CCDC194: variants seen among roughly 807,000 people sequenced by gnomAD.
The protein encoded by CCDC194 is coiled-coil domain-containing protein 194.
Under a neutral mutation model 4.9 loss-of-function variants are expected in CCDC194, and 8 were observed. The ratio of observed to expected loss-of-function variants is 1.65; its 90% CI spans 0.97 to 2.97. The LOEUF (loss-of-function observed/expected upper bound fraction) is 2.97, where lower values mean the gene tolerates loss of function less well. Ranked by LOEUF, CCDC194 falls within the 30% of genes most tolerant of loss-of-function variation. The probability of loss-of-function intolerance (pLI) is 0.00; values close to 1 mark genes in which losing one functional copy is unlikely to be tolerated. For synonymous variants in CCDC194, 13 were observed against 17.0 expected, an observed-to-expected ratio of 0.76 and a Z score of 0.58; for missense variants, 52 against 43.1, an observed-to-expected ratio of 1.21 and a Z score of -0.58.
At chr19:17,392,199 G>T (rs925346307) in intron 1 of CCDC194, 1 of 181,138 alleles carries the variant, frequency 5.5e-6, no homozygotes, top group Non-Finnish European at 1.1e-5. Flanking sequence ...TTAGCCGGGC[G>T]TCGTGGCTCA....
chr19:17,393,968 G>A (rs961249653), exon 1 of CCDC194: 8 of 394,704 alleles, frequency 2.0e-5, no homozygotes, highest in African/African-American at 1.4e-4. Context: ...GTCGACCCCA[G>A]GCGGCGGGTC....
At chr19:17,391,381 C>A in intron 2 of CCDC194, 38 bp from the exon 3 acceptor site, 1 of 500,118 alleles carries the variant, frequency 2.0e-6, no homozygotes, top group South Asian at 2.9e-5. Context: ...TGGAGACTCC[C>A]GCGCCCACCC....
chr19:17,391,812 A>G, exon 2 of CCDC194: 14 of 1,535,036 alleles, frequency 9.1e-6, no homozygotes, highest in Non-Finnish European at 1.2e-5. Context: ...GTCCATCTCA[A>G]TCTTCAGTGT....
chr19:17,393,896 T>G (rs894094698), exon 1 of CCDC194: 1 of 397,478 alleles, frequency 2.5e-6, no homozygotes, highest in African/African-American at 2.1e-5. Context: ...TTCCGCCTGG[T>G]CCAGCTGCCT....
chr19:17,387,197 A>G (rs1438368966), downstream of CCDC194, among the ~76,000 whole-genome samples: 2 of 152,150 alleles, frequency 1.3e-5, no homozygotes, highest in African/African-American at 2.4e-5. Flanking sequence ...CTCAGCCCAG[A>G]CATTTTTAAA....
intron 1 of CCDC194, among the ~76,000 whole-genome samples, chr19:17,392,830 C>T (rs1226991141): frequency 1.3e-5 from 2 of 152,116 alleles, no homozygotes; most frequent in Non-Finnish European, 2.9e-5. Flanking sequence ...TACAAGCATG[C>T]GCCATCACAC....
chr19:17,391,573 CTTGT>C, intron 2 of CCDC194, 173 bp downstream of exon 2: 1 of 1,447,050 alleles, frequency 6.9e-7, no homozygotes, highest in Non-Finnish European at 9.2e-7. Context: ...TGGCATTTGC[CTTGT>C]TTTTGTGACA....
intron 2 of CCDC194, 165 bp from the exon 3 acceptor site, chr19:17,391,508 T>C (rs2074654698): frequency 2.3e-6 from 2 of 875,506 alleles, no homozygotes; most frequent in Non-Finnish European, 3.4e-6. Context: ...TTGCATAGCT[T>C]TTCATAGGTT....
exon 1 of CCDC194, chr19:17,394,140 C>G: frequency 2.5e-6 from 1 of 392,464 alleles, no homozygotes; most frequent in Non-Finnish European, 4.5e-6. Flanking sequence ...CGCCCGGGCT[C>G]CGGCCCCGGC....
Position 17,390,901 on chromosome 19 carries a change from C to T in CCDC194, c.555-242G>A, listed in dbSNP as rs1189884469. The stretch of plus-strand genomic sequence containing the variant: ...CTGTCCCCCTACCACCAGCCTCTCC[C>T]TCGATACTCCCTTTTCCTTGCTCCC... On this transcript the variant is annotated intron_variant, in intron 3 of 3. Coordinates refer to ENST00000636079, the Ensembl canonical transcript of CCDC194. This position sits in a 1 kb window ranked among gnomAD's most constrained non-coding sequence, Gnocchi z 5.5. 6.6e-6 allele frequency among the ~76,000 whole-genome samples: 1 copy of T among 152,054 alleles called. No individual in the cohort carries two copies. The highest frequency in any genetic ancestry group is 1.9e-4 in the East Asian group (1 of 5,164).
chr19:17,392,522 G>A (rs778341085), intron 1 of CCDC194, among the ~76,000 whole-genome samples: 1 of 152,150 alleles, frequency 6.6e-6, no homozygotes, highest in Middle Eastern at 3.2e-3. Flanking sequence ...GCAATTTGAT[G>A]GTTGACAATG....
chr19:17,387,501 C>T (rs1191147776), downstream of CCDC194, among the ~76,000 whole-genome samples: 1 of 151,978 alleles, frequency 6.6e-6, no homozygotes, highest in Non-Finnish European at 1.5e-5. Context: ...GTGGATCACC[C>T]GAGGTTAGCA....
downstream of CCDC194, among the ~76,000 whole-genome samples, chr19:17,388,179 G>A (rs912025020): frequency 7.0e-6 from 1 of 142,840 alleles, no homozygotes; most frequent in East Asian, 2.1e-4. Flanking sequence ...AGCCACCCCC[G>A]GGCTCTTTTT....
downstream of CCDC194, among the ~76,000 whole-genome samples, chr19:17,387,243 CAT>C (rs1434047255): frequency 1.2e-4 from 18 of 152,160 alleles, no homozygotes; most frequent in Admixed American, 3.9e-4. Flanking sequence ...ATAAGTGACA[CAT>C]GTGCATGGTT....
At chr19:17,393,673 C>CT (rs1286229818) in intron 1 of CCDC194, among the ~76,000 whole-genome samples, 162 bp downstream of exon 1, 1 of 152,090 alleles carries the variant, frequency 6.6e-6, no homozygotes, top group Non-Finnish European at 1.5e-5. Flanking sequence ...GAGCTGACAT[C>CT]TAAGGGTTGG....
At chr19:17,387,654 G>T (rs55834117), downstream of CCDC194, among the ~76,000 whole-genome samples, 1 of 151,986 alleles carries the variant, frequency 6.6e-6, no homozygotes, top group South Asian at 2.1e-4. Context: ...AGAGGCGGAG[G>T]TTGCAGTGAG....
downstream of CCDC194, among the ~76,000 whole-genome samples, chr19:17,389,969 A>G (rs1251840688): frequency 2.0e-5 from 3 of 152,186 alleles, no homozygotes; most frequent in Non-Finnish European, 4.4e-5. Flanking sequence ...CCATCTCAAA[A>G]CCAAACCAAA....
chr19:17,392,725 GATTT>G (rs200522904), intron 1 of CCDC194, among the ~76,000 whole-genome samples: 7 of 151,950 alleles, frequency 4.6e-5, no homozygotes, highest in African/African-American at 9.7e-5. Context: ...GGTTTATTTG[GATTT>G]ATTTATTTAT....
In CCDC194 at chr19:17,392,170, G is replaced by A. The variant is rs544724358; in HGVS notation, c.325-324C>T. ...CAGCTCCATCTGGGACTAGCTGATG[G>A]GATTTCAAACCAACAAAGTTAGCCG... is the stretch of plus-strand genomic sequence containing the variant. On this transcript the variant is annotated intron_variant, in intron 1 of 3. Transcript: ENST00000636079. 2.7e-5 allele frequency: 6 copies of A among 218,584 alleles called. No homozygotes were observed. In the South Asian group the frequency reaches 8.4e-4, roughly 31 times the overall value. The allele number at this position is 218,584 out of a possible 1,614,324, so 13.5% of individuals were successfully genotyped here.
Sources: gnomAD v4.1 joint callset for allele counts (sites outside exome capture counted in the v4.1 genomes callset) on GRCh38, gnomAD v4.1.1 for gene constraint, Gnocchi (gnomAD v3.1) non-coding constraint, MANE v1.5 for transcripts, NCBI Gene and HGNC (gene_info 2026-07-23, HGNC 2026-07-21) for gene names.